The following ACSL5 variants were observed in gnomAD, a reference collection of about 807,000 sequenced individuals.
The protein encoded by ACSL5 is long-chain-fatty-acid--CoA ligase 5.
In ACSL5, 50 loss-of-function variants were observed where a neutral mutation model predicts 84.9. The observed-to-expected ratio is 0.59, with a 90% confidence interval of 0.47 to 0.75. ACSL5 has a LOEUF of 0.75. Among genes scored for constraint, ACSL5 ranks in the 30% least tolerant of loss-of-function variants. ACSL5 has a pLI of 0.00. For synonymous variants in ACSL5, 280 were observed against 300.7 expected (o/e 0.93, Z 0.71); for missense variants, 775 against 830.4 (o/e 0.93, Z 0.82).
Position 112,427,516 on chromosome 10 carries a change from G to A in ACSL5, c.*158G>A, listed in dbSNP as rs1301908261. 3 of 567,424 alleles carry A rather than the reference G, an allele frequency of 5.3e-6. No individual in the cohort carries two copies. Among genetic ancestry groups the A allele is most frequent in the African/African-American group, 3.9e-5 (2 of 51,120 alleles). The allele number at this position is 567,424 out of a possible 1,614,324, so 35.1% of individuals were successfully genotyped here. A position where few individuals can be genotyped will look rare whatever the true frequency, so the allele number is the denominator to read the frequency against. ...TGTTTTATATTGAGACATATAATGT[G>A]TAAACTTAGTTCCCAAATAAATCAA... On this transcript the variant is annotated 3_prime_UTR_variant, in exon 21 of 21. Coordinates refer to ENST00000354655, the MANE Select transcript of ACSL5 (RefSeq NM_203379.2).
chr10:112,374,916 C>A (rs957664551), intron 1 of ACSL5, among the ~76,000 whole-genome samples: 5 of 152,070 alleles, frequency 3.3e-5, no homozygotes, highest in African/African-American at 7.2e-5. Flanking sequence ...TGTGGGTTGC[C>A]AAAGCTTTCA....
At chr10:112,423,613 A>G (rs1249758100) in intron 17 of ACSL5, among the ~76,000 whole-genome samples, 2 of 152,124 alleles carry the variant, frequency 1.3e-5, no homozygotes, top group East Asian at 3.9e-4. Flanking sequence ...ACCAGCAAGC[A>G]GTAAGTCAGT....
rs560917811 is a variant in ACSL5 at position 112,404,419 on chromosome 10, T to C, written c.266-92T>C. Reference sequence around the variant, plus strand: ...CTCAAATCCTTGTTGGACTTACCCTTTGTGTCTTGCCCCTTCTTAATCTCC... The same window carrying C: ...CTCAAATCCTTGTTGGACTTACCCTCTGTGTCTTGCCCCTTCTTAATCTCC... On this transcript the variant is annotated intron_variant, in intron 3 of 20. Coordinates refer to ENST00000354655, the MANE Select transcript of ACSL5 (RefSeq NM_203379.2). 19 of 927,254 alleles carry C rather than the reference T, an allele frequency of 2.0e-5. No homozygotes were observed. In the African/African-American group the frequency reaches 3.0e-4, roughly 15 times the overall value. The allele number at this position is 927,254 out of a possible 1,614,324, so 57.4% of individuals were successfully genotyped here.
chr10:112,380,365 A>G (rs1849325436), intron 1 of ACSL5, among the ~76,000 whole-genome samples: 1 of 152,146 alleles, frequency 6.6e-6, no homozygotes, highest in African/African-American at 2.4e-5. Flanking sequence ...TCTCTGGAGT[A>G]TGTGAAGGCA....
In ACSL5 at chr10:112,416,953, C is replaced by T. The variant is rs1229520805; in HGVS notation, c.1149C>T (p.Phe383=). ...TGAAGCTGGCTGTTTCCAGTAAATT[C>T]AAAGAGCTTCAAAAGGGTATCATCA... ...FLLKLAVSSK[F]KELQKGIIRH... Residue 383 remains phenylalanine, a synonymous_variant, in exon 13 of 21, where the codon TTC becomes TTT. Coordinates refer to ENST00000354655, the MANE Select transcript of ACSL5 (RefSeq NM_203379.2). The T allele has an allele frequency of 7.4e-6, 12 of 1,614,014 alleles. No individual in the cohort carries two copies. Among genetic ancestry groups the T allele is most frequent in the Non-Finnish European group, 1.0e-5 (12 of 1,179,994 alleles).
intron 2 of ACSL5, among the ~76,000 whole-genome samples, chr10:112,396,737 T>C (rs771219029): frequency 6.6e-6 from 1 of 152,088 alleles, no homozygotes; most frequent in Non-Finnish European, 1.5e-5. Context: ...TTCAGTTAAA[T>C]GTATCTCTTC....
At chr10:112,413,708 G>A in intron 12 of ACSL5, among the ~76,000 whole-genome samples, 1 of 152,072 alleles carries the variant, frequency 6.6e-6, no homozygotes, top group East Asian at 1.9e-4. Context: ...CTGGGCAACA[G>A]AGCAAGACTC....
chr10:112,406,352 C>T (rs569940430), intron 5 of ACSL5: 1 of 152,250 alleles, frequency 6.6e-6, no homozygotes, highest in East Asian at 1.9e-4. Flanking sequence ...CGTTCTTCTT[C>T]ATAGAAGGAA....
chr10:112,408,386 G>A lies in ACSL5; in HGVS notation c.433-36G>A, dbSNP rs377451530. 395 of 1,302,798 alleles carry A rather than the reference G, an allele frequency of 3.0e-4. 9 individuals carry two copies. In the South Asian group the frequency reaches 4.5e-3, roughly 15 times the overall value. The allele number at this position is 1,302,798 out of a possible 1,614,324, so 80.7% of individuals were successfully genotyped here. On this transcript the variant is annotated intron_variant, in intron 5 of 20. Coordinates refer to ENST00000354655, the MANE Select transcript of ACSL5 (RefSeq NM_203379.2). ...TGACTGAACTGGTACTCTTCAGTGTGCCCTCCAGTCCTTACTTGAACTTCT... is the reference window on the plus strand; with the variant it reads ...TGACTGAACTGGTACTCTTCAGTGTACCCTCCAGTCCTTACTTGAACTTCT...
At position 112,422,005 on chromosome 10, in the gene ACSL5, G is replaced by T. The variant is rs1330158577; in HGVS notation, c.1446G>T (p.Met482Ile). 6.2e-7 allele frequency: 1 copy of T among 1,614,224 alleles called. No individual in the cohort carries two copies. Among genetic ancestry groups the T allele is most frequent in the Admixed American group, 1.7e-5 (1 of 60,024 alleles). The change falls in exon 16 of 21, where the codon ATG becomes ATT. Residue 482 changes from methionine (M) to isoleucine (I), a missense_variant. Transcript: ENST00000354655. The stretch of plus-strand genomic sequence containing the variant: ...TGAAGCTGGAAGATGTGGCTGACAT[G>T]AACTACTTTACAGTGAATAATGAAG... ...NYVKLEDVAD[M>I]NYFTVNNEGE...
chr10:112,400,106 T>C (rs1843843797), intron 3 of ACSL5, among the ~76,000 whole-genome samples: 1 of 152,238 alleles, frequency 6.6e-6, no homozygotes, highest in Admixed American at 6.5e-5. Flanking sequence ...CATTTACTTA[T>C]AGACTTCATG....
At chr10:112,419,102 C>CTGTGTGTGTGTGTGTGTGTG (rs57261585) in intron 14 of ACSL5, among the ~76,000 whole-genome samples, 1 of 146,414 alleles carries the variant, frequency 6.8e-6, no homozygotes, top group Non-Finnish European at 1.5e-5. Flanking sequence ...CACAATGTAT[C>CTGTGTGTGTGTGTGTGTGTG]TGTGTGTGTG....
chr10:112,389,404 G>A (rs1849514417), intron 1 of ACSL5, among the ~76,000 whole-genome samples: 2 of 152,192 alleles, frequency 1.3e-5, no homozygotes, highest in South Asian at 4.1e-4. Flanking sequence ...GCCAAGGCAT[G>A]TCACCATCAC....
chr10:112,383,777 T>G (rs1849396520), intron 1 of ACSL5, among the ~76,000 whole-genome samples: 1 of 151,358 alleles, frequency 6.6e-6, no homozygotes, highest in Non-Finnish European at 1.5e-5. Flanking sequence ...CTGCCTGTGT[T>G]GGAGGTGGGA....
In ACSL5 at chr10:112,394,995, T is replaced by C. The variant is rs2133592607; in HGVS notation, c.49T>C (p.Leu17=). The change falls in exon 2 of 21, where the codon TTG becomes CTG. Residue 17 remains leucine (L), a synonymous_variant. Transcript: ENST00000354655. ...FLFSPLPTPA[L]ICILTFGAAI... is the part of the protein sequence containing the mutation. Reference sequence around the variant, plus strand: ...GTTTTCCCCACTTCCGACCCCGGCGTTGATCTGCATCCTGACATTTGGAGC... The same window carrying C: ...GTTTTCCCCACTTCCGACCCCGGCGCTGATCTGCATCCTGACATTTGGAGC... 1 of 1,614,116 alleles carries C rather than the reference T, an allele frequency of 6.2e-7. No homozygotes were observed. Among genetic ancestry groups the C allele is most frequent in the East Asian group, 2.2e-5 (1 of 44,874 alleles).
rs759803153 is a variant in ACSL5, at chr10:112,425,451, AC to A, written c.1708del (p.Gln570LysfsTer13). On this transcript the variant is annotated frameshift_variant, in exon 18 of 21. Transcript: ENST00000354655. LOFTEE classifies it high-confidence loss of function. The stretch of plus-strand genomic sequence containing the variant: ...TCTACAACAGGAGTCAACCAGTGTT[AC>A]AAATTTTTGTACACGGGGAGAGCTT... Reference protein sequence around the residue: ...NIYNRSQPVLQIFVHGESLRS... With the variant: ...NIYNRSQPVLXIFVHGESLRS... 1 of 1,613,270 alleles carries A rather than the reference AC, an allele frequency of 6.2e-7. No individual in the cohort carries two copies. Among genetic ancestry groups the A allele is most frequent in the East Asian group, 2.2e-5 (1 of 44,824 alleles).
intron 14 of ACSL5, among the ~76,000 whole-genome samples, chr10:112,421,253 G>T (rs958470462): frequency 6.6e-6 from 1 of 152,180 alleles, no homozygotes; most frequent in African/African-American, 2.4e-5. Context: ...CTGCCTCCCA[G>T]GTTCAAGAGA....
chr10:112,404,574 A>G lies in ACSL5; in HGVS notation c.329A>G (p.Gln110Arg), dbSNP rs776307515. ...CCCTACAGATGGCTATCTTACAAACAGGTAAGTTGAGTCCATGTTTTTAGA... is the reference window on the plus strand; with the variant it reads ...CCCTACAGATGGCTATCTTACAAACGGGTAAGTTGAGTCCATGTTTTTAGA... ...NQPYRWLSYK[Q>R]VSDRAEYLGS... The change falls in exon 4 of 21, where the codon CAG (glutamine) becomes CGG (arginine). Residue 110 changes from glutamine to arginine, a missense_variant and splice_region_variant. Gln to Arg is a conservative substitution (Grantham distance 43, BLOSUM62 1). Transcript: ENST00000354655. 1.9e-6 allele frequency: 3 copies of G among 1,612,420 alleles called. No homozygotes were observed. In the South Asian group the frequency reaches 3.3e-5, roughly 18 times the overall value.
At chr10:112,378,453 G>A (rs1022780542) in intron 1 of ACSL5, among the ~76,000 whole-genome samples, 2 of 151,814 alleles carry the variant, frequency 1.3e-5, no homozygotes, top group African/African-American at 4.8e-5. Context: ...CACCATATTG[G>A]CCAGGCTGGT....
Sources: allele counts gnomAD v4.1 joint callset (sites outside exome capture counted in the v4.1 genomes callset), GRCh38; gene constraint gnomAD v4.1.1; transcripts MANE v1.5; gene names NCBI Gene and HGNC (gene_info 2026-07-23, HGNC 2026-07-21).